The following SPG11 variants were observed in gnomAD, a reference collection of about 807,000 sequenced individuals.
SPG11 encodes SPG11 vesicle trafficking associated, spatacsin, also known as spatacsin.
Under a neutral mutation model 274.0 loss-of-function variants are expected in SPG11, and 222 were observed. That is an observed-to-expected ratio of 0.81 (90% CI 0.73 to 0.91). SPG11 has a LOEUF of 0.91. Among genes scored for constraint, SPG11 ranks in the 40% least tolerant of loss-of-function variants. The pLI, the probability that SPG11 is intolerant of heterozygous loss-of-function variation, is 0.00. For synonymous variants in SPG11, 1,144 were observed against 1,039.7 expected (o/e 1.10, Z -1.93); for missense variants, 3,114 against 2,872.7 (o/e 1.08, Z -1.92).
At chr15:44,661,538 ATAG>A (rs2085106623) in intron 1 of SPG11, among the ~76,000 whole-genome samples, 1 of 152,030 alleles carries the variant, frequency 6.6e-6, no homozygotes, top group Non-Finnish European at 1.5e-5. Flanking sequence ...AGAGTACATA[ATAG>A]TATTATGTAC....
chr15:44,657,340 CCTAA>C, intron 3 of SPG11, 44 bp from the exon 4 acceptor site: 3 of 1,568,444 alleles, frequency 1.9e-6, no homozygotes, highest in East Asian at 4.5e-5. Flanking sequence ...TGTAAGTATG[CCTAA>C]CTATTTAAAG....
In SPG11 at chr15:44,628,830, G is replaced by C. The variant is rs145316065; in HGVS notation, c.1906C>G (p.Leu636Val). The C allele has an allele frequency of 6.2e-7, 1 of 1,613,192 alleles. No individual in the cohort carries two copies. The highest frequency in any genetic ancestry group is 8.5e-7 in the Non-Finnish European group (1 of 1,179,894). ...FIHTEELDEHLQKGVNILTSY... is the reference protein window; with the variant it reads ...FIHTEELDEHVQKGVNILTSY... ...GTCAAAATGTTCACTCCTTTTTGCAGATGTTCATCTAGTTCTATGGAAAAT... is the reference window on the plus strand; with the variant it reads ...GTCAAAATGTTCACTCCTTTTTGCACATGTTCATCTAGTTCTATGGAAAAT... Residue 636 changes from leucine (L) to valine (V), a missense_variant, in exon 10 of 40, where the codon CTG becomes GTG. Physicochemically the swap from Leu to Val is conservative, Grantham distance 32 (BLOSUM62 1). Transcript: ENST00000261866.
At chr15:44,624,712 TATTA>T (rs370776459) in intron 11 of SPG11, among the ~76,000 whole-genome samples, 55 of 152,330 alleles carry the variant, frequency 3.6e-4, no homozygotes, top group African/African-American at 1.3e-3. Context: ...TGAGGTGATA[TATTA>T]ATTAGCTTAC....
Position 44,562,998 on chromosome 15 carries a change from G to A in SPG11, c.*123C>T. On this transcript the variant is annotated 3_prime_UTR_variant, in exon 40 of 40. Transcript: ENST00000261866. Reference sequence around the variant, plus strand: ...TTACTTGCTACCTACTACCCACAAAGGACTGATATGGTACAGTACCGGGAT... The same window carrying A: ...TTACTTGCTACCTACTACCCACAAAAGACTGATATGGTACAGTACCGGGAT... The A allele has an allele frequency of 3.2e-6, 3 of 934,062 alleles. No individual in the cohort carries two copies. The highest frequency in any genetic ancestry group is 5.0e-6 in the Non-Finnish European group (3 of 597,408). 57.9% of individuals were successfully genotyped at this position (934,062 alleles called of 1,614,324 possible). A position where few individuals can be genotyped will look rare whatever the true frequency, so the allele number is the denominator to read the frequency against.
intron 39 of SPG11, among the ~76,000 whole-genome samples, chr15:44,564,055 A>G (rs1011592517): frequency 2.0e-5 from 3 of 152,094 alleles, no homozygotes; most frequent in African/African-American, 4.8e-5. Flanking sequence ...GTATAGTGGC[A>G]CGATCTCAGC....
In SPG11 at chr15:44,596,947, T is replaced by C. The variant is rs1459378799; in HGVS notation, c.4002-4A>G. 1.2e-6 allele frequency: 2 copies of C among 1,613,764 alleles called. No homozygotes were observed. Among genetic ancestry groups the C allele is most frequent in the Non-Finnish European group, 1.7e-6 (2 of 1,179,988 alleles). ...GCTGCTAGATTCACTGGATAACCTA[T>C]AATCAGAATTAGAGGTGGGGGTGGT... On this transcript the variant is annotated splice_region_variant and splice_polypyrimidine_tract_variant and intron_variant, in intron 23 of 39. Coordinates refer to ENST00000261866, the MANE Select transcript of SPG11 (RefSeq NM_025137.4).
chr15:44,589,491 T>C (rs1243757162), intron 27 of SPG11, 77 bp from the exon 28 acceptor site: 3 of 1,571,478 alleles, frequency 1.9e-6, no homozygotes, highest in Non-Finnish European at 2.6e-6. Context: ...TCTGGGAACC[T>C]CTAAGAAAGC....
chr15:44,584,344 GC>G lies in SPG11; in HGVS notation c.5335del (p.Ala1779GlnfsTer59), dbSNP rs1169800424. On this transcript the variant is annotated frameshift_variant, in exon 30 of 40. Transcript: ENST00000261866. LOFTEE classifies it high-confidence loss of function. ...MEERHLLLTL[A>X]GHWLAQEDVV... ...GTCCTCCTGGGCAAGCCAGTGCCCTGCCAAGGTGAGCAGCAGATGGCGCTCC... is the reference window on the plus strand; with the variant it reads ...GTCCTCCTGGGCAAGCCAGTGCCCTGCAAGGTGAGCAGCAGATGGCGCTCC... 6.2e-7 allele frequency: 1 copy of G among 1,610,802 alleles called. No homozygotes were observed. The highest frequency in any genetic ancestry group is 8.5e-7 in the Non-Finnish European group (1 of 1,177,830).
At chr15:44,596,612 A>C (rs1174920892) in intron 24 of SPG11, among the ~76,000 whole-genome samples, 172 bp downstream of exon 24, 1 of 150,670 alleles carries the variant, frequency 6.6e-6, no homozygotes, top group South Asian at 2.1e-4. Flanking sequence ...AGGAAAAATA[A>C]TAGTATCATA....
chr15:44,563,237 C>T lies in SPG11; in HGVS notation c.7216G>A (p.Glu2406Lys). 4 of 1,614,034 alleles carry T rather than the reference C, an allele frequency of 2.5e-6. No individual in the cohort carries two copies. The highest frequency in any genetic ancestry group is 3.4e-6 in the Non-Finnish European group (4 of 1,179,894). ...ENLKKLLTYC[E>K]DVYLYYKLAY... ...AACTTGTAATACAGGTAAACATCTT[C>T]ACAATATGTGAGTAATTTCTTCAGG... is the stretch of plus-strand genomic sequence containing the variant. Residue 2406 changes from glutamate (E) to lysine (K), a missense_variant, in exon 40 of 40, where the codon GAA (glutamate) becomes AAA (lysine). Glu to Lys is a moderately conservative substitution (Grantham distance 56). Transcript: ENST00000261866.
rs2083103687 is a variant in SPG11, at chr15:44,598,591, CCTT to C, written c.3892+37_3892+39del. Reference sequence around the variant, plus strand: ...ATTCAATGCCTTAGACCTCGTCACACCTTCTCTAAACAAAGCAGGCCAGATAAA... The same window carrying C: ...ATTCAATGCCTTAGACCTCGTCACACCTCTAAACAAAGCAGGCCAGATAAA... On this transcript the variant is annotated intron_variant, in intron 22 of 39. Transcript: ENST00000261866. 1.9e-6 allele frequency: 3 copies of C among 1,589,014 alleles called. No individual in the cohort carries two copies. The South Asian group carries it at 3.3e-5, about 18-fold the overall frequency.
In SPG11 at chr15:44,633,621, C is replaced by T. The variant is rs750200448; in HGVS notation, c.1619G>A (p.Arg540His). The T allele has an allele frequency of 4.0e-5, 65 of 1,613,070 alleles. No individual in the cohort carries two copies. Among genetic ancestry groups the T allele is most frequent in the South Asian group, 1.6e-4 (15 of 90,966 alleles). Residue 540 changes from arginine (R) to histidine (H), a missense_variant, in exon 8 of 40, where the codon CGT becomes CAT. Arg to His is a conservative substitution (Grantham distance 29). Coordinates refer to ENST00000261866, the MANE Select transcript of SPG11 (RefSeq NM_025137.4). ...AAAGAAATTTACTGTGTCCAGCTGA[C>T]GATTTTCTATCCCGGCCTGAAATGA... ...IHALEAGIEN[R>H]QLDTVNFFLK...
intron 21 of SPG11, 60 bp from the exon 22 acceptor site, chr15:44,598,896 A>C: frequency 2.6e-6 from 4 of 1,515,970 alleles, no homozygotes; most frequent in Non-Finnish European, 3.6e-6. Flanking sequence ...CACCAGGAAA[A>C]GCAAATGGAA....
chr15:44,623,999 G>C (rs1595892936), intron 11 of SPG11, among the ~76,000 whole-genome samples: 1 of 152,052 alleles, frequency 6.6e-6, no homozygotes, highest in Non-Finnish European at 1.5e-5. Flanking sequence ...CTTCAAAAGT[G>C]ATCTGCCCAT....
At position 44,598,573 on chromosome 15, in the gene SPG11, G is replaced by A; in HGVS notation, c.3892+58C>T. 3 of 1,507,766 alleles carry A rather than the reference G, an allele frequency of 2.0e-6. No homozygotes were observed. In the South Asian group the frequency reaches 3.4e-5, roughly 17 times the overall value. The allele number at this position is 1,507,766 out of a possible 1,614,324, so 93.4% of individuals were successfully genotyped here. ...TCTCCCCAAACACTCACAATTCAAT[G>A]CCTTAGACCTCGTCACACCTTCTCT... On this transcript the variant is annotated intron_variant, in intron 22 of 39. Transcript: ENST00000261866.
intron 28 of SPG11, among the ~76,000 whole-genome samples, chr15:44,588,045 C>T (rs992759610): frequency 6.6e-6 from 1 of 152,180 alleles, no homozygotes; most frequent in Non-Finnish European, 1.5e-5. Context: ...CAGCCTGCAA[C>T]AACTGGCTCT....
intron 4 of SPG11, among the ~76,000 whole-genome samples, chr15:44,653,814 A>G (rs2084856556): frequency 6.6e-6 from 1 of 152,218 alleles, no homozygotes; most frequent in African/African-American, 2.4e-5. Context: ...ACCAAACCCT[A>G]TACATACAGT....
At chr15:44,627,773 G>A (rs900566209) in intron 10 of SPG11, among the ~76,000 whole-genome samples, 1 of 152,054 alleles carries the variant, frequency 6.6e-6, no homozygotes, top group African/African-American at 2.4e-5. Context: ...TGTATTTTTA[G>A]TACAGACAGT....
In SPG11 at chr15:44,641,586, TACACACACACAC is replaced by T. The variant is rs147901004; in HGVS notation, c.1602+7268_1602+7279del. On this transcript the variant is annotated intron_variant, in intron 7 of 39. Transcript: ENST00000261866. ...TGAAAGAAAAAAAATCCAAATATCT[TACACACACACAC>T]ACACACACACACACACACACACACA... Among the ~76,000 whole-genome samples the T allele has an allele frequency of 9.4e-4, 106 of 112,484 alleles. 1 individual carries two copies. The highest frequency in any genetic ancestry group is 1.9e-3 in the Admixed American group (20 of 10,470). The allele number at this position is 112,484 out of a possible 152,430, so 73.8% of individuals were successfully genotyped here.
Sources: gnomAD v4.1 joint callset for allele counts (sites outside exome capture counted in the v4.1 genomes callset) on GRCh38, gnomAD v4.1.1 for gene constraint, MANE v1.5 for transcripts, NCBI Gene and HGNC (gene_info 2026-07-23, HGNC 2026-07-21) for gene names.